ADAMTS19: variants seen among roughly 807,000 people sequenced by gnomAD.
ADAMTS19 encodes the protein A disintegrin and metalloproteinase with thrombospondin motifs 19.
In ADAMTS19, 93 loss-of-function variants were observed where a neutral mutation model predicts 153.3. That is an observed-to-expected ratio of 0.61 (90% CI 0.51 to 0.72). ADAMTS19 has a LOEUF of 0.72. Among genes scored for constraint, ADAMTS19 ranks in the 30% least tolerant of loss-of-function variants. The pLI is 0.00. For missense variants in ADAMTS19, 1,482 were observed against 1,552.1 expected (o/e 0.95, Z 0.76); for synonymous variants, 600 against 556.6 (o/e 1.08, Z -1.10).
intron 21 of ADAMTS19, among the ~76,000 whole-genome samples, chr5:129,708,868 A>T (rs1184125031): frequency 6.6e-6 from 1 of 152,148 alleles, no homozygotes; most frequent in Non-Finnish European, 1.5e-5. Context: ...ACATATTAAC[A>T]GATATTTGGA....
chr5:129,510,896 C>A (rs910140945), intron 3 of ADAMTS19, among the ~76,000 whole-genome samples: 1 of 148,420 alleles, frequency 6.7e-6, no homozygotes, highest in African/African-American at 2.5e-5. Context: ...ATGATTGTTA[C>A]ATGTAAATGT....
At chr5:129,515,376 G>C (rs1406072725) in intron 3 of ADAMTS19, among the ~76,000 whole-genome samples, 1 of 151,664 alleles carries the variant, frequency 6.6e-6, no homozygotes, top group Non-Finnish European at 1.5e-5. Context: ...TCTGTAGATT[G>C]CTTTGAGTAG....
chr5:129,713,810 G>C (rs1412790474), intron 21 of ADAMTS19, among the ~76,000 whole-genome samples: 1 of 138,028 alleles, frequency 7.2e-6, no homozygotes, highest in Non-Finnish European at 1.6e-5. Context: ...AGAGCCATGG[G>C]CCCTGAGCTG....
At chr5:129,483,236 C>T (rs752722341) in intron 2 of ADAMTS19, among the ~76,000 whole-genome samples, 1 of 152,176 alleles carries the variant, frequency 6.6e-6, no homozygotes, top group Non-Finnish European at 1.5e-5. Flanking sequence ...GCAAGAAGCT[C>T]TGCCTCCTAT....
chr5:129,490,306 C>T (rs1299586388), intron 2 of ADAMTS19, among the ~76,000 whole-genome samples: 1 of 152,134 alleles, frequency 6.6e-6, no homozygotes, highest in Non-Finnish European at 1.5e-5. Context: ...CTTCCCATGG[C>T]CAAGTGATCA....
At chr5:129,701,894 C>T (rs1755879297) in intron 20 of ADAMTS19, among the ~76,000 whole-genome samples, 1 of 152,106 alleles carries the variant, frequency 6.6e-6, no homozygotes, top group South Asian at 2.1e-4. Context: ...TTAAAATACA[C>T]ACTTAACTCA....
At chr5:129,657,827 A>T (rs1161359569) in intron 14 of ADAMTS19, among the ~76,000 whole-genome samples, 4 of 152,224 alleles carry the variant, frequency 2.6e-5, no homozygotes, top group African/African-American at 9.6e-5. Flanking sequence ...AAGTTAAGCC[A>T]TCCATATAGT....
intron 6 of ADAMTS19, among the ~76,000 whole-genome samples, chr5:129,547,169 A>G (rs1363147): frequency 0.48 from 72,025 of 150,124 alleles, 20,569 homozygotes; most frequent in African/African-American, 0.78. Context: ...AGAGAGTGGA[A>G]AGTCAGAGAG....
intron 7 of ADAMTS19, among the ~76,000 whole-genome samples, chr5:129,586,976 G>C (rs567404356): frequency 6.6e-6 from 1 of 152,224 alleles, no homozygotes; most frequent in South Asian, 2.1e-4. Flanking sequence ...TGCAACACCT[G>C]TGATTGTGTC....
intron 6 of ADAMTS19, among the ~76,000 whole-genome samples, chr5:129,550,096 G>C (rs1256890526): frequency 7.6e-5 from 5 of 66,036 alleles, no homozygotes; most frequent in Admixed American, 1.6e-4. Flanking sequence ...ATCTGTATAT[G>C]TATGTATCTA....
intron 18 of ADAMTS19, among the ~76,000 whole-genome samples, chr5:129,684,753 C>T (rs1375260171): frequency 8.6e-5 from 13 of 151,696 alleles, no homozygotes; most frequent in African/African-American, 1.5e-4. Context: ...TCTGGGAGGC[C>T]GAGGCGGGCA....
intron 21 of ADAMTS19, among the ~76,000 whole-genome samples, chr5:129,709,784 T>C (rs746438477): frequency 2.0e-5 from 3 of 152,200 alleles, no homozygotes; most frequent in African/African-American, 4.8e-5. Context: ...TATATTCAGA[T>C]TGGCCAGCAG....
At chr5:129,521,963 G>C (rs1347847033) in intron 3 of ADAMTS19, among the ~76,000 whole-genome samples, 3 of 152,030 alleles carry the variant, frequency 2.0e-5, no homozygotes, top group Non-Finnish European at 4.4e-5. Flanking sequence ...ACAGGAAGGT[G>C]ATAACTGGAA....
chr5:129,484,071 A>G (rs1283859020), intron 2 of ADAMTS19, among the ~76,000 whole-genome samples: 1 of 152,172 alleles, frequency 6.6e-6, no homozygotes, highest in Non-Finnish European at 1.5e-5. Flanking sequence ...AAATTTAAAC[A>G]TACTTCGTGA....
rs147811410 is a variant in ADAMTS19, at chr5:129,580,602, G to A, written c.1373-15957G>A. Among the ~76,000 whole-genome samples, 267 of 152,198 alleles carry A rather than the reference G, an allele frequency of 1.8e-3. 2 individuals carry two copies. The highest frequency in any genetic ancestry group is 6.2e-3 in the African/African-American group (256 of 41,536). On this transcript the variant is annotated intron_variant, in intron 7 of 22. Transcript: ENST00000274487. ...AATAGCTCTTATTAATTTCAGATACGTTCCATCAATACCTAGTTTATTGAG... is the reference window on the plus strand; with the variant it reads ...AATAGCTCTTATTAATTTCAGATACATTCCATCAATACCTAGTTTATTGAG...
Position 129,596,550 on chromosome 5 carries a change from A to G in ADAMTS19, c.1373-9A>G. On this transcript the variant is annotated splice_polypyrimidine_tract_variant and intron_variant, in intron 7 of 22. Transcript: ENST00000274487. Reference sequence around the variant, plus strand: ...CAGACATATAATAATTAATGTTTGTATTTTTTAGGTATAGCTTACTTGAGT... The same window carrying G: ...CAGACATATAATAATTAATGTTTGTGTTTTTTAGGTATAGCTTACTTGAGT... The G allele has an allele frequency of 1.3e-6, 2 of 1,537,446 alleles. No homozygotes were observed. Among genetic ancestry groups the G allele is most frequent in the Middle Eastern group, 3.4e-4 (2 of 5,830 alleles).
intron 6 of ADAMTS19, among the ~76,000 whole-genome samples, chr5:129,530,487 A>C (rs1304596329): frequency 1.3e-5 from 2 of 152,192 alleles, no homozygotes; most frequent in South Asian, 2.1e-4. Context: ...AGCAGAGGGA[A>C]CATTGAACAG....
intron 7 of ADAMTS19, among the ~76,000 whole-genome samples, chr5:129,592,377 CAAAA>C (rs1169388973): frequency 8.8e-5 from 7 of 79,576 alleles, no homozygotes; most frequent in South Asian, 5.3e-4. Context: ...GTCTCCGTTT[CAAAA>C]AAAAAAAAAA....
intron 2 of ADAMTS19, among the ~76,000 whole-genome samples, chr5:129,476,930 G>A (rs1421326286): frequency 6.6e-6 from 1 of 152,108 alleles, no homozygotes; most frequent in Non-Finnish European, 1.5e-5. Context: ...TTTTGGAAGT[G>A]AACATTTATA....
Sources: allele counts gnomAD v4.1 joint callset (sites outside exome capture counted in the v4.1 genomes callset), GRCh38; gene constraint gnomAD v4.1.1; transcripts MANE v1.5; gene names NCBI Gene and HGNC (gene_info 2026-07-23, HGNC 2026-07-21).